Variants in ACSL5 observed in about 807,000 individuals in gnomAD.
The protein encoded by ACSL5 is acyl-CoA synthetase long chain family member 5.
ACSL5 carries 50 observed loss-of-function variants against 84.9 expected under a neutral mutation model. The ratio of observed to expected loss-of-function variants is 0.59; its 90% CI spans 0.47 to 0.75. The LOEUF (loss-of-function observed/expected upper bound fraction) is 0.75, where lower values mean the gene tolerates loss of function less well. ACSL5 is among the 30% of genes least tolerant of loss of function. ACSL5 has a pLI of 0.00. For missense variants in ACSL5, 775 were observed against 830.4 expected, an observed-to-expected ratio of 0.93 and a Z score of 0.82; for synonymous variants, 280 against 300.7, an observed-to-expected ratio of 0.93 and a Z score of 0.71.
chr10:112,385,534 G>A (rs771125077), intron 1 of ACSL5, among the ~76,000 whole-genome samples: 3 of 152,196 alleles, frequency 2.0e-5, no homozygotes, highest in Admixed American at 1.3e-4. Context: ...TCTGATGCAC[G>A]AGGAAAAGGC....
At chr10:112,412,470 A>C (rs1844201552) in intron 11 of ACSL5, 1 of 154,988 alleles carries the variant, frequency 6.5e-6, no homozygotes, top group South Asian at 2.0e-4. Context: ...AGCATGGTGC[A>C]TACCGGAGGA....
At chr10:112,426,614 G>A in intron 19 of ACSL5, 174 bp from the exon 20 acceptor site, 4 of 641,772 alleles carry the variant, frequency 6.2e-6, no homozygotes, top group Non-Finnish European at 1.1e-5. Context: ...ACACTTAGAT[G>A]TGCCTTTTCT....
rs771902153 is a variant in ACSL5 at position 112,427,309 on chromosome 10, A to G, written c.2003A>G (p.Lys668Arg). The G allele has an allele frequency of 8.7e-6, 14 of 1,613,740 alleles. No homozygotes were observed. The East Asian group carries it at 2.5e-4, about 28-fold the overall frequency. The change falls in exon 21 of 21, where the codon AAA becomes AGA. Residue 668 changes from lysine to arginine, a missense_variant. Physicochemically the swap from Lys to Arg is conservative, Grantham distance 26. Transcript: ENST00000354655. ...TLKAKRGELS[K>R]YFRTQIDSLY... ...AAAGCAAAGCGAGGAGAGCTTTCCAAATACTTTCGGACCCAAATTGACAGC... is the reference window on the plus strand; with the variant it reads ...AAAGCAAAGCGAGGAGAGCTTTCCAGATACTTTCGGACCCAAATTGACAGC...
At chr10:112,386,220 G>A (rs1307275001) in intron 1 of ACSL5, among the ~76,000 whole-genome samples, 1 of 109,508 alleles carries the variant, frequency 9.1e-6, no homozygotes, top group Admixed American at 1.4e-4. Context: ...TTGAGGCAGA[G>A]TCTGGCTCTG....
intron 1 of ACSL5, among the ~76,000 whole-genome samples, chr10:112,383,184 C>T (rs558856386): frequency 6.6e-6 from 1 of 152,348 alleles, no homozygotes; most frequent in African/African-American, 2.4e-5. Flanking sequence ...ACTTGTAAGG[C>T]TGAGGTGGGA....
chr10:112,402,823 C>T (rs953293141), intron 3 of ACSL5, among the ~76,000 whole-genome samples: 2 of 152,124 alleles, frequency 1.3e-5, no homozygotes, highest in African/African-American at 4.8e-5. Context: ...TTTTCCTGCC[C>T]TTCTACTTGT....
At chr10:112,380,594 A>G (rs1283069007) in intron 1 of ACSL5, among the ~76,000 whole-genome samples, 3 of 151,774 alleles carry the variant, frequency 2.0e-5, no homozygotes, top group Middle Eastern at 3.4e-3. Flanking sequence ...CCCCTTCTCC[A>G]CTTCCATTTG....
intron 19 of ACSL5, 134 bp downstream of exon 19, chr10:112,426,493 T>C (rs1844722205): frequency 1.4e-6 from 1 of 700,116 alleles, no homozygotes; most frequent in South Asian, 1.8e-5. Flanking sequence ...GACTCGGGGA[T>C]AGGATGGAGA....
chr10:112,401,939 C>CTCTT (rs1196525664), intron 3 of ACSL5, among the ~76,000 whole-genome samples: 1 of 114,538 alleles, frequency 8.7e-6, no homozygotes, highest in African/African-American at 2.9e-5. Context: ...CTCCCACCTT[C>CTCTT]TCTTTCTTTC....
chr10:112,401,847 C>CTTT (rs1843915296), intron 3 of ACSL5, among the ~76,000 whole-genome samples: 1 of 79,974 alleles, frequency 1.3e-5, no homozygotes, highest in East Asian at 3.6e-4. Context: ...TTTCTTCCTT[C>CTTT]CTTCCTTCCT....
chr10:112,413,053 A>G, intron 11 of ACSL5, 120 bp from the exon 12 acceptor site: 1 of 1,088,554 alleles, frequency 9.2e-7, no homozygotes, highest in Non-Finnish European at 1.3e-6. Flanking sequence ...AATTCCTTCC[A>G]AGACAGGTCC....
chr10:112,413,063 C>T, intron 11 of ACSL5, 110 bp from the exon 12 acceptor site: 1 of 1,175,504 alleles, frequency 8.5e-7, no homozygotes. Flanking sequence ...AAGACAGGTC[C>T]CCACTGAAGG....
In ACSL5 at chr10:112,409,702, T is replaced by C. The variant is rs751135222; in HGVS notation, c.711+17T>C. Reference sequence around the variant, plus strand: ...GATGCTGAGGTATGGATCTGAAATTTAGCTTGCAGCTCCAATGCTTGTCCA... The same window carrying C: ...GATGCTGAGGTATGGATCTGAAATTCAGCTTGCAGCTCCAATGCTTGTCCA... On this transcript the variant is annotated intron_variant, in intron 7 of 20. Coordinates refer to ENST00000354655, the MANE Select transcript of ACSL5 (RefSeq NM_203379.2). 4 of 1,611,950 alleles carry C rather than the reference T, an allele frequency of 2.5e-6. No homozygotes were observed. The East Asian group carries it at 8.9e-5, about 36-fold the overall frequency.
chr10:112,422,684 C>G (rs973626155), intron 17 of ACSL5, among the ~76,000 whole-genome samples: 3 of 151,776 alleles, frequency 2.0e-5, no homozygotes, highest in African/African-American at 7.3e-5. Flanking sequence ...GGTGAAACTC[C>G]GTCTCTACTA....
At chr10:112,399,234 TC>T (rs1843819294) in intron 3 of ACSL5, among the ~76,000 whole-genome samples, 1 of 152,202 alleles carries the variant, frequency 6.6e-6, no homozygotes, top group African/African-American at 2.4e-5. Context: ...ATTTCCAGCT[TC>T]ATAACCTTGT....
In ACSL5 at chr10:112,408,501, T is replaced by C. The variant is rs1412955383; in HGVS notation, c.512T>C (p.Ile171Thr). 1.9e-6 allele frequency: 3 copies of C among 1,611,664 alleles called. No individual in the cohort carries two copies. Among genetic ancestry groups the C allele is most frequent in the Non-Finnish European group, 2.5e-6 (3 of 1,177,896 alleles). The stretch of plus-strand genomic sequence containing the variant: ...TATGACACCTTGGGACCAGAAGCCA[T>C]CGTACATATTGTCAACAAGGGTAAA... ...PLYDTLGPEAIVHIVNKADIA... is the reference protein window; with the variant it reads ...PLYDTLGPEATVHIVNKADIA... Residue 171 changes from isoleucine to threonine, a missense_variant, in exon 6 of 21, where the codon ATC becomes ACC. Transcript: ENST00000354655.
chr10:112,420,834 G>A (rs971677979), intron 14 of ACSL5, among the ~76,000 whole-genome samples: 1 of 151,308 alleles, frequency 6.6e-6, no homozygotes, highest in Non-Finnish European at 1.5e-5. Context: ...CAATTCTCCT[G>A]CCTTAGCCTC....
intron 1 of ACSL5, among the ~76,000 whole-genome samples, chr10:112,387,502 G>T (rs1849476713): frequency 6.6e-6 from 1 of 152,206 alleles, no homozygotes; most frequent in Non-Finnish European, 1.5e-5. Context: ...TGAGAGAGAG[G>T]TTTCCTAGGT....
chr10:112,397,487 T>C (rs1843775244), intron 2 of ACSL5, among the ~76,000 whole-genome samples: 1 of 152,146 alleles, frequency 6.6e-6, no homozygotes, highest in Non-Finnish European at 1.5e-5. Flanking sequence ...CCCCTTTTTC[T>C]TGAATACGCC....
Sources: allele counts gnomAD v4.1 joint callset (sites outside exome capture counted in the v4.1 genomes callset), GRCh38; gene constraint gnomAD v4.1.1; transcripts MANE v1.5; gene names NCBI Gene and HGNC (gene_info 2026-07-23, HGNC 2026-07-21).